The following JRK variants were observed in gnomAD, a reference collection of about 807,000 sequenced individuals.
JRK encodes the protein jerky protein homolog.
For missense variants in JRK, 720 were observed against 509.2 expected (o/e 1.41, Z -3.98); for synonymous variants, 303 against 218.1 (o/e 1.39, Z -3.43).
chr8:142,649,941 C>T, the JRK span, among the ~76,000 whole-genome samples: 2 of 152,252 alleles, frequency 1.3e-5, no homozygotes, highest in Non-Finnish European at 2.9e-5. Context: ...AAGACACAGA[C>T]ACTCAATACC....
At chr8:142,656,982 A>T (rs1343473447), downstream of JRK, among the ~76,000 whole-genome samples, 5 of 152,112 alleles carry the variant, frequency 3.3e-5, no homozygotes, top group African/African-American at 1.2e-4. Context: ...CTCCAACATT[A>T]TGTCTCTGTG....
Position 142,662,790 on chromosome 8 carries a change from C to A in JRK, c.*1562G>T. 1.0e-6 allele frequency: 1 copy of A among 985,382 alleles called. No individual in the cohort carries two copies. Among genetic ancestry groups the A allele is most frequent in the East Asian group, 1.1e-4 (1 of 8,808 alleles). 61.0% of individuals were successfully genotyped at this position (985,382 alleles called of 1,614,324 possible). ...CAGACGCTGGAATGCAAACTACGTG[C>A]TGACTCGGCCAAATGATATGAATTT... On this transcript the variant is annotated 3_prime_UTR_variant, in exon 2 of 2. Coordinates refer to ENST00000612905, the MANE Select transcript of JRK (RefSeq NM_003724.4).
downstream of JRK, among the ~76,000 whole-genome samples, chr8:142,657,215 T>C (rs1295545470): frequency 6.6e-6 from 1 of 152,208 alleles, no homozygotes; most frequent in Non-Finnish European, 1.5e-5. Context: ...TCACCCATCC[T>C]CTACAATCAT....
At position 142,662,925 on chromosome 8, in the gene JRK, T is replaced by C. The variant is rs1043017265; in HGVS notation, c.*1427A>G. 8 of 917,582 alleles carry C rather than the reference T, an allele frequency of 8.7e-6. No homozygotes were observed. Among genetic ancestry groups the C allele is most frequent in the Non-Finnish European group, 9.1e-6 (7 of 768,384 alleles). The allele number at this position is 917,582 out of a possible 1,614,324, so 56.8% of individuals were successfully genotyped here. On this transcript the variant is annotated 3_prime_UTR_variant, in exon 2 of 2. Coordinates refer to ENST00000612905, the MANE Select transcript of JRK (RefSeq NM_003724.4). The stretch of plus-strand genomic sequence containing the variant: ...CTGTAATCCCAGCACTTTAGAAGGA[T>C]GAGGAAGGAGGATCGCTTGAGGCCA...
Position 142,664,873 on chromosome 8 carries a change from AGGAGCCTTCGGCAAACGCAACCGACG to A in JRK, c.1160_1185del (p.Pro387LeufsTer3). ...TCTGCCTCCAACTCCTCCTCAGAGG[AGGAGCCTTCGGCAAACGCAACCGACG>A]GCCACAGCTTCCTCCAGGCCCGCCT... On this transcript the variant is annotated frameshift_variant, in exon 2 of 2. Coordinates refer to ENST00000612905, the MANE Select transcript of JRK (RefSeq NM_003724.4). LOFTEE classifies it low-confidence loss of function (END_TRUNC). 6.9e-7 allele frequency: 1 copy of A among 1,453,834 alleles called. No homozygotes were observed. The highest frequency in any genetic ancestry group is 9.6e-7 in the Non-Finnish European group (1 of 1,037,396). The allele number at this position is 1,453,834 out of a possible 1,614,324, so 90.1% of individuals were successfully genotyped here.
At chr8:142,649,262 C>T in the JRK span, among the ~76,000 whole-genome samples, 1 of 152,138 alleles carries the variant, frequency 6.6e-6, no homozygotes, top group Non-Finnish European at 1.5e-5. Context: ...AATGTAAGGA[C>T]ATGAGATTTG....
At chr8:142,655,602 G>A (rs587707866), downstream of JRK, among the ~76,000 whole-genome samples, 61 of 96,792 alleles carry the variant, frequency 6.3e-4, no homozygotes, top group Non-Finnish European at 7.4e-4. Context: ...AAACGGCTCC[G>A]GACTCCAAAC....
At chr8:142,657,424 T>G (rs1217528188), downstream of JRK, 1 of 153,062 alleles carries the variant, frequency 6.5e-6, no homozygotes, top group Non-Finnish European at 1.5e-5. Context: ...TGTCTTGGTC[T>G]GTTTGCATGG....
At position 142,661,421 on chromosome 8, in the gene JRK, C is replaced by A; in HGVS notation, c.*2931G>T. The A allele has an allele frequency of 3.0e-6, 3 of 985,454 alleles. No homozygotes were observed. Among genetic ancestry groups the A allele is most frequent in the Non-Finnish European group, 3.6e-6 (3 of 829,994 alleles). The allele number at this position is 985,454 out of a possible 1,614,324, so 61.0% of individuals were successfully genotyped here. The stretch of plus-strand genomic sequence containing the variant: ...GTGAGGACACAGGAGCGCCCTCAGG[C>A]CTGAGCACTCAGGGGTGCCACCCCA... On this transcript the variant is annotated 3_prime_UTR_variant, in exon 2 of 2. Coordinates refer to ENST00000612905, the MANE Select transcript of JRK (RefSeq NM_003724.4).
At position 142,658,711 on chromosome 8, in the gene JRK, G is replaced by A; in HGVS notation, c.*5641C>T. Reference sequence around the variant, plus strand: ...GTCAGGGTTTCAACATATAAACTTTGGGGGGGGACACAAACATGCAGTCCT... The same window carrying A: ...GTCAGGGTTTCAACATATAAACTTTAGGGGGGGACACAAACATGCAGTCCT... On this transcript the variant is annotated 3_prime_UTR_variant, in exon 2 of 2. Transcript: ENST00000612905. The A allele has an allele frequency of 7.4e-7, 1 of 1,355,094 alleles. No individual in the cohort carries two copies. The highest frequency in any genetic ancestry group is 9.7e-7 in the Non-Finnish European group (1 of 1,031,418). 83.9% of individuals were successfully genotyped at this position (1,355,094 alleles called of 1,614,324 possible).
In JRK at chr8:142,663,486, C is replaced by G. The variant is rs1846982379; in HGVS notation, c.*866G>C. 1.0e-6 allele frequency: 1 copy of G among 985,330 alleles called. No individual in the cohort carries two copies. The highest frequency in any genetic ancestry group is 6.1e-5 in the Admixed American group (1 of 16,266). 61.0% of individuals were successfully genotyped at this position (985,330 alleles called of 1,614,324 possible). The stretch of plus-strand genomic sequence containing the variant: ...AAACCTAAGACTAATCTCTGAATGT[C>G]TGATCAAGACGTATTCATGTAAAGG... On this transcript the variant is annotated 3_prime_UTR_variant, in exon 2 of 2. Transcript: ENST00000612905.
the JRK span, among the ~76,000 whole-genome samples, chr8:142,648,201 C>T: frequency 2.0e-5 from 3 of 152,276 alleles, no homozygotes; most frequent in African/African-American, 7.2e-5. Flanking sequence ...TGCAACCTGA[C>T]AATGTGATAG....
Position 142,663,039 on chromosome 8 carries a change from G to C in JRK, c.*1313C>G. 1 of 638,572 alleles carries C rather than the reference G, an allele frequency of 1.6e-6. No homozygotes were observed. The highest frequency in any genetic ancestry group is 1.9e-6 in the Non-Finnish European group (1 of 513,390). The allele number at this position is 638,572 out of a possible 1,614,324, so 39.6% of individuals were successfully genotyped here. ...GCGGTGGTGCGTGCCTCTAGTCCCA[G>C]CTACTCAGGAGGCTGGGGCGGGAGG... On this transcript the variant is annotated 3_prime_UTR_variant, in exon 2 of 2. Coordinates refer to ENST00000612905, the MANE Select transcript of JRK (RefSeq NM_003724.4).
In JRK at chr8:142,660,231, G is replaced by A; in HGVS notation, c.*4121C>T. ...CAAGGAGAGTCCTCGAACCCAGAGGGGGCTGGGTAAGCAGCAGAAGTGCAG... is the reference window on the plus strand; with the variant it reads ...CAAGGAGAGTCCTCGAACCCAGAGGAGGCTGGGTAAGCAGCAGAAGTGCAG... On this transcript the variant is annotated 3_prime_UTR_variant, in exon 2 of 2. Coordinates refer to ENST00000612905, the MANE Select transcript of JRK (RefSeq NM_003724.4). The A allele has an allele frequency of 2.4e-5, 24 of 985,554 alleles. No individual in the cohort carries two copies. The highest frequency in any genetic ancestry group is 2.9e-5 in the Non-Finnish European group (24 of 830,066). The allele number at this position is 985,554 out of a possible 1,614,324, so 61.1% of individuals were successfully genotyped here. A position where few individuals can be genotyped will look rare whatever the true frequency, so the allele number is the denominator to read the frequency against.
chr8:142,643,910 T>A, the JRK span, among the ~76,000 whole-genome samples: 2 of 152,236 alleles, frequency 1.3e-5, no homozygotes, highest in African/African-American at 2.4e-5. Context: ...TAAATTTTGT[T>A]CATAGGAATA....
chr8:142,664,146 G>C lies in JRK; in HGVS notation c.*206C>G. 7.5e-7 allele frequency: 1 copy of C among 1,333,818 alleles called. No individual in the cohort carries two copies. The highest frequency in any genetic ancestry group is 1.5e-5 in the African/African-American group (1 of 67,746). 82.6% of individuals were successfully genotyped at this position (1,333,818 alleles called of 1,614,324 possible). On this transcript the variant is annotated 3_prime_UTR_variant, in exon 2 of 2. Transcript: ENST00000612905. ...CTCACTTTCGGATGACACGGCAAGT[G>C]ATAAAATAAAACCTGTATTGACAGG...
chr8:142,655,762 T>C (rs1414341165), downstream of JRK, among the ~76,000 whole-genome samples: 1 of 152,254 alleles, frequency 6.6e-6, no homozygotes, highest in Non-Finnish European at 1.5e-5. Context: ...TTCTGCCTCC[T>C]GTCTTCTTGG....
rs59385009 is a variant in JRK, at chr8:142,667,432, GACACACACACACACACACAC to G, written c.-462-932_-462-913del. Among the ~76,000 whole-genome samples, 71 of 146,934 alleles carry G rather than the reference GACACACACACACACACACAC, an allele frequency of 4.8e-4. 2 individuals are homozygous for G. Among genetic ancestry groups the G allele is most frequent in the African/African-American group, 1.6e-3 (63 of 39,292 alleles). On this transcript the variant is annotated intron_variant, in intron 1 of 1. Transcript: ENST00000612905. ...CCTGCCAGACATGGACGGACACGGA[GACACACACACACACACACAC>G]ACACACACACACACACACACAGCCA... is the stretch of plus-strand genomic sequence containing the variant.
At position 142,663,021 on chromosome 8, in the gene JRK, T is replaced by C; in HGVS notation, c.*1331A>G. 1 of 493,192 alleles carries C rather than the reference T, an allele frequency of 2.0e-6. No individual in the cohort carries two copies. The highest frequency in any genetic ancestry group is 2.6e-6 in the Non-Finnish European group (1 of 380,880). The allele number at this position is 493,192 out of a possible 1,614,324, so 30.6% of individuals were successfully genotyped here. ...CAAAAAAAATAAAAAGGCGCGGTGG[T>C]GCGTGCCTCTAGTCCCAGCTACTCA... is the stretch of plus-strand genomic sequence containing the variant. On this transcript the variant is annotated 3_prime_UTR_variant, in exon 2 of 2. Coordinates refer to ENST00000612905, the MANE Select transcript of JRK (RefSeq NM_003724.4).
Sources: gnomAD v4.1 joint callset for allele counts (sites outside exome capture counted in the v4.1 genomes callset) on GRCh38, gnomAD v4.1.1 for gene constraint, MANE v1.5 for transcripts, NCBI Gene and HGNC (gene_info 2026-07-23, HGNC 2026-07-21) for gene names.